Variants in NBAS observed in about 807,000 individuals in gnomAD.
NBAS encodes the protein NBAS subunit of NRZ tethering complex.
A neutral mutation model predicts 302.5 loss-of-function variants in NBAS; 219 were observed. That is an observed-to-expected ratio of 0.72 (90% confidence interval 0.65 to 0.81). NBAS has a LOEUF of 0.81. NBAS is among the 30% of genes least tolerant of loss of function. The pLI, the probability that NBAS is intolerant of heterozygous loss-of-function variation, is 0.00. For synonymous variants in NBAS, 1,118 were observed against 1,021.6 expected (o/e 1.09, Z -1.80); for missense variants, 2,932 against 2,841.6 (o/e 1.03, Z -0.72).
Position 15,556,794 on chromosome 2 carries a change from GTAT to G in NBAS, c.195_197del (p.Gln65_Tyr66delinsHis). On this transcript the variant is annotated inframe_deletion, in exon 3 of 52. Coordinates refer to ENST00000281513, the MANE Select transcript of NBAS (RefSeq NM_015909.4). ...AACCGAAGACTCACCTGTACCAGATGTATTGGCGTAAAAATAATAAACGATCTG... is the reference window on the plus strand; with the variant it reads ...AACCGAAGACTCACCTGTACCAGATGTGGCGTAAAAATAATAAACGATCTG... 6 of 1,610,658 alleles carry G rather than the reference GTAT, an allele frequency of 3.7e-6. No individual in the cohort carries two copies. The highest frequency in any genetic ancestry group is 5.1e-6 in the Non-Finnish European group (6 of 1,177,136).
intron 32 of NBAS, among the ~76,000 whole-genome samples, chr2:15,363,735 G>T (rs1246073414): frequency 2.0e-5 from 3 of 152,142 alleles, no homozygotes; most frequent in Admixed American, 2.0e-4. Context: ...ATAAAGATGT[G>T]CCAAACAGTT....
chr2:15,102,016 C>CAAATGTCCT, the NBAS span, among the ~76,000 whole-genome samples: 1 of 152,186 alleles, frequency 6.6e-6, no homozygotes, highest in African/African-American at 2.4e-5. Flanking sequence ...AGACCCAGCT[C>CAAATGTCCT]AAATGTCCTC....
intron 32 of NBAS, among the ~76,000 whole-genome samples, chr2:15,359,461 C>G (rs1673788091): frequency 6.6e-6 from 1 of 152,008 alleles, no homozygotes; most frequent in Non-Finnish European, 1.5e-5. Context: ...CAGTACTAAT[C>G]TTTTATTTAT....
the NBAS span, among the ~76,000 whole-genome samples, chr2:15,058,475 A>G: frequency 2.6e-5 from 4 of 152,240 alleles, no homozygotes; most frequent in African/African-American, 9.6e-5. Flanking sequence ...ATCAAAAAGT[A>G]TATTTCTACC....
chr2:14,978,957 A>G, the NBAS span, among the ~76,000 whole-genome samples: 1 of 152,230 alleles, frequency 6.6e-6, no homozygotes, highest in Non-Finnish European at 1.5e-5. Context: ...AAACTTGAAT[A>G]GAAGTTTCAC....
chr2:14,958,059 A>G, the NBAS span, among the ~76,000 whole-genome samples: 1 of 152,160 alleles, frequency 6.6e-6, no homozygotes, highest in Non-Finnish European at 1.5e-5. Context: ...GCATATGGTG[A>G]GTTTGCCTTG....
Position 15,534,565 on chromosome 2 carries a change from C to T in NBAS, c.724G>A (p.Ala242Thr), listed in dbSNP as rs1262214723. The change falls in exon 9 of 52, where the codon GCT becomes ACT. Residue 242 changes from alanine to threonine, a missense_variant. Transcript: ENST00000281513. ...SSHYPHGINT[A>T]IYHPGHRLLL... ...TACCTGTGACCAGGGTGGTAAATAGCTGTGTTGATTCCATGAGGATAATGA... is the reference window on the plus strand; with the variant it reads ...TACCTGTGACCAGGGTGGTAAATAGTTGTGTTGATTCCATGAGGATAATGA... 5.6e-6 allele frequency: 9 copies of T among 1,612,418 alleles called. No homozygotes were observed. The highest frequency in any genetic ancestry group is 4.5e-5 in the East Asian group (2 of 44,850).
At chr2:15,214,673 G>A (rs1666574022) in intron 48 of NBAS, among the ~76,000 whole-genome samples, 1 of 152,132 alleles carries the variant, frequency 6.6e-6, no homozygotes, top group African/African-American at 2.4e-5. Context: ...GACATTTAAG[G>A]TAACAGTAAA....
At chr2:15,342,902 A>G (rs562661295) in intron 35 of NBAS, among the ~76,000 whole-genome samples, 121 of 152,134 alleles carry the variant, frequency 8.0e-4, no homozygotes, top group African/African-American at 2.7e-3. Flanking sequence ...AAAACATTAT[A>G]AACTCCAGTC....
At chr2:15,430,398 T>C (rs1403317586) in intron 21 of NBAS, among the ~76,000 whole-genome samples, 2 of 152,176 alleles carry the variant, frequency 1.3e-5, no homozygotes, top group African/African-American at 2.4e-5. Context: ...AATAATAGCA[T>C]TACTATTACT....
intron 16 of NBAS, among the ~76,000 whole-genome samples, chr2:15,472,830 C>T (rs1393506417): frequency 6.6e-6 from 1 of 152,186 alleles, no homozygotes; most frequent in African/African-American, 2.4e-5. Context: ...TCTTCACATC[C>T]TTTATAGTTC....
chr2:15,004,819 T>C, the NBAS span, among the ~76,000 whole-genome samples: 1 of 151,992 alleles, frequency 6.6e-6, no homozygotes, highest in African/African-American at 2.4e-5. Context: ...AACAGTTAAT[T>C]TTAATTAAGA....
chr2:14,996,884 C>G, the NBAS span, among the ~76,000 whole-genome samples: 1 of 152,284 alleles, frequency 6.6e-6, no homozygotes, highest in East Asian at 1.9e-4. Context: ...TTCTCCATCC[C>G]AAGGAACTCA....
chr2:14,879,887 C>A, the NBAS span, among the ~76,000 whole-genome samples: 2 of 152,138 alleles, frequency 1.3e-5, no homozygotes, highest in African/African-American at 4.8e-5. Flanking sequence ...CAGAAAAAGA[C>A]CTCACTTTAA....
chr2:15,544,660 A>G (rs1664017082), intron 6 of NBAS, among the ~76,000 whole-genome samples: 1 of 152,216 alleles, frequency 6.6e-6, no homozygotes, highest in Non-Finnish European at 1.5e-5. Context: ...CCTTCTATCC[A>G]AGAAAACAAT....
intron 7 of NBAS, among the ~76,000 whole-genome samples, chr2:15,538,111 T>A (rs969770465): frequency 6.6e-6 from 1 of 152,358 alleles, no homozygotes; most frequent in East Asian, 1.9e-4. Context: ...TTTGGATATA[T>A]TGGATGATAT....
the NBAS span, among the ~76,000 whole-genome samples, chr2:14,864,215 G>T: frequency 3.3e-5 from 5 of 151,786 alleles, no homozygotes; most frequent in Admixed American, 2.0e-4. Context: ...TACTCAGGAG[G>T]CTGAGACAGG....
rs749873089 is a variant in NBAS at position 15,394,207 on chromosome 2, C to G, written c.3257+20G>C. The stretch of plus-strand genomic sequence containing the variant: ...ATTTAAAATTAATTGACCCAAGTAT[C>G]AATTAATTTTATTACTCACTTCCGG... On this transcript the variant is annotated intron_variant, in intron 28 of 51. Transcript: ENST00000281513. The G allele has an allele frequency of 1.2e-5, 19 of 1,569,768 alleles. No homozygotes were observed. The highest frequency in any genetic ancestry group is 1.6e-5 in the Non-Finnish European group (19 of 1,155,096).
chr2:15,498,066 T>C lies in NBAS; in HGVS notation c.954+6079A>G, dbSNP rs975245377. 4.2e-4 allele frequency among the ~76,000 whole-genome samples: 64 copies of C among 152,212 alleles called. 2 individuals carry two copies. The highest frequency in any genetic ancestry group is 1.0e-4 in the Non-Finnish European group (7 of 68,040). ...ACTGATTCTCCGTAACTAATCTGCCTGCAAAATGGGTGATTAGTAAAAACA... is the reference window on the plus strand; with the variant it reads ...ACTGATTCTCCGTAACTAATCTGCCCGCAAAATGGGTGATTAGTAAAAACA... On this transcript the variant is annotated intron_variant, in intron 11 of 51. Coordinates refer to ENST00000281513, the MANE Select transcript of NBAS (RefSeq NM_015909.4).
Sources: allele counts gnomAD v4.1 joint callset (sites outside exome capture counted in the v4.1 genomes callset), GRCh38; gene constraint gnomAD v4.1.1; transcripts MANE v1.5; gene names NCBI Gene and HGNC (gene_info 2026-07-23, HGNC 2026-07-21).